Variants in POLN observed in about 807,000 individuals in gnomAD.
The protein encoded by POLN is DNA polymerase nu.
In POLN, 108 loss-of-function variants were observed where a neutral mutation model predicts 113.5. That is an observed-to-expected ratio of 0.95 (90% CI 0.81 to 1.12). POLN has a LOEUF of 1.12. POLN is among the 50% of genes most tolerant of loss of function. POLN has a pLI of 0.00. For synonymous variants in POLN, 386 were observed against 391.5 expected (o/e 0.99, Z 0.17); for missense variants, 1,097 against 1,077.1 (o/e 1.02, Z -0.26).
intron 11 of POLN, among the ~76,000 whole-genome samples, chr4:2,173,084 C>G (rs774793374): frequency 1.3e-5 from 2 of 152,100 alleles, no homozygotes; most frequent in African/African-American, 4.8e-5. Context: ...ATTGCTTAGG[C>G]TTTGAAGTGG....
chr4:2,209,657 CTTTTTTT>C (rs1175117439), intron 4 of POLN, among the ~76,000 whole-genome samples: 5 of 108,430 alleles, frequency 4.6e-5, no homozygotes, highest in Non-Finnish European at 8.9e-5. Flanking sequence ...TTTCCTTTTC[CTTTTTTT>C]TTTTTTTTTT....
chr4:2,236,281 T>C, intron 2 of POLN: 1 of 1,613,826 alleles, frequency 6.2e-7, no homozygotes, highest in Non-Finnish European at 8.5e-7. Flanking sequence ...TCACAAAGCA[T>C]GTCCACATCC....
At chr4:2,172,102 A>G in intron 11 of POLN, among the ~76,000 whole-genome samples, 1 of 152,224 alleles carries the variant, frequency 6.6e-6, no homozygotes, top group Non-Finnish European at 1.5e-5. Flanking sequence ...TGATGCTATG[A>G]AAAGCTAATC....
At chr4:2,078,473 C>CTTTTT (rs943435658) in intron 23 of POLN, 3 of 530,660 alleles carry the variant, frequency 5.7e-6, no homozygotes, top group Non-Finnish European at 2.4e-6. Context: ...TCTTCTTCTT[C>CTTTTT]TTTTTTTTTT....
intron 13 of POLN, among the ~76,000 whole-genome samples, chr4:2,168,831 C>A (rs530394351): frequency 1.3e-5 from 2 of 152,346 alleles, no homozygotes; most frequent in South Asian, 4.1e-4. Context: ...ACCACAGATG[C>A]TGAGTTCAGC....
At chr4:2,112,937 G>A (rs148220234) in intron 19 of POLN, among the ~76,000 whole-genome samples, 16,683 of 151,946 alleles carry the variant, frequency 0.11, 3,087 homozygotes, top group African/African-American at 0.38. Context: ...ACATGCACAC[G>A]TATGTTTATT....
Position 2,241,793 on chromosome 4 carries a change from GACAAA to G in POLN, c.-283-8_-283-4del. 2 of 985,500 alleles carry G rather than the reference GACAAA, an allele frequency of 2.0e-6. No individual in the cohort carries two copies. Among genetic ancestry groups the G allele is most frequent in the Non-Finnish European group, 2.4e-6 (2 of 829,956 alleles). The allele number at this position is 985,500 out of a possible 1,614,324, so 61.0% of individuals were successfully genotyped here. A position where few individuals can be genotyped will look rare whatever the true frequency, so the allele number is the denominator to read the frequency against. ...CCCAGCTGTGACACCTAAGCACGCT[GACAAA>G]ACAAACGCACAAGCCCACCGAATCG... On this transcript the variant is annotated splice_polypyrimidine_tract_variant and splice_region_variant and intron_variant, in intron 1 of 25. Transcript: ENST00000511885.
At chr4:2,218,359 C>T (rs557733903) in intron 3 of POLN, among the ~76,000 whole-genome samples, 3 of 151,468 alleles carry the variant, frequency 2.0e-5, no homozygotes, top group Non-Finnish European at 2.9e-5. Context: ...GCAGGAGAAT[C>T]GCTTGAACCT....
chr4:2,165,639 A>G (rs1419641529), intron 13 of POLN, among the ~76,000 whole-genome samples: 3 of 152,178 alleles, frequency 2.0e-5, no homozygotes, highest in Admixed American at 6.5e-5. Flanking sequence ...CACTGACTGT[A>G]ACGATGGTAC....
At chr4:2,240,291 T>C (rs986746812) in intron 2 of POLN, 1 of 1,612,372 alleles carries the variant, frequency 6.2e-7, no homozygotes, top group African/African-American at 1.3e-5. Context: ...GAACTGTTTT[T>C]TGGTATACAA....
At position 2,090,290 on chromosome 4, in the gene POLN, C is replaced by G. The variant is rs1730635506; in HGVS notation, c.2066-4546G>C. 9.8e-6 allele frequency: 8 copies of G among 814,182 alleles called. No homozygotes were observed. In the East Asian group the frequency reaches 1.9e-4, roughly 20 times the overall value. The allele number at this position is 814,182 out of a possible 1,614,324, so 50.4% of individuals were successfully genotyped here. A position where few individuals can be genotyped will look rare whatever the true frequency, so the allele number is the denominator to read the frequency against. On this transcript the variant is annotated intron_variant, in intron 20 of 25. Coordinates refer to ENST00000511885, the MANE Select transcript of POLN (RefSeq NM_181808.4). ...CTGACAAAGGCTTCTGCACATCAAACTTGTTCTTCAGAACTGATTCAATCA... is the reference window on the plus strand; with the variant it reads ...CTGACAAAGGCTTCTGCACATCAAAGTTGTTCTTCAGAACTGATTCAATCA...
At chr4:2,195,365 C>T (rs567892629) in intron 6 of POLN, among the ~76,000 whole-genome samples, 18 of 151,718 alleles carry the variant, frequency 1.2e-4, no homozygotes, top group African/African-American at 4.1e-4. Context: ...TTAATGAACA[C>T]ACTACTGAAC....
chr4:2,173,675 C>T (rs1032672011), intron 11 of POLN, among the ~76,000 whole-genome samples: 6 of 152,118 alleles, frequency 3.9e-5, no homozygotes, highest in African/African-American at 1.4e-4. Context: ...AATTCCTTCA[C>T]CAAACTACAG....
chr4:2,155,245 T>C (rs1447902962), intron 16 of POLN, among the ~76,000 whole-genome samples: 2 of 152,200 alleles, frequency 1.3e-5, no homozygotes, highest in Non-Finnish European at 2.9e-5. Flanking sequence ...TCAGAGGAGA[T>C]GGCACTGGTA....
At chr4:2,130,125 C>T (rs369179831) in intron 17 of POLN, among the ~76,000 whole-genome samples, 8 of 152,108 alleles carry the variant, frequency 5.3e-5, no homozygotes, top group East Asian at 3.9e-4. Flanking sequence ...CGTAATGGTG[C>T]ATGCCTGTAA....
intron 8 of POLN, 76 bp from the exon 9 acceptor site, chr4:2,176,410 G>T: frequency 2.6e-6 from 3 of 1,157,196 alleles, no homozygotes; most frequent in South Asian, 2.8e-5. Flanking sequence ...TAACTGACAT[G>T]ACTTGAAAAA....
intron 2 of POLN, among the ~76,000 whole-genome samples, chr4:2,233,054 C>T (rs1734639067): frequency 6.6e-6 from 1 of 152,154 alleles, no homozygotes; most frequent in Non-Finnish European, 1.5e-5. Flanking sequence ...CCTGATGATT[C>T]TAATGTACAA....
chr4:2,114,677 G>A (rs1731275265), intron 19 of POLN, among the ~76,000 whole-genome samples: 1 of 152,032 alleles, frequency 6.6e-6, no homozygotes, highest in Non-Finnish European at 1.5e-5. Flanking sequence ...TTTTATCTTT[G>A]GTTTTCATTA....
intron 19 of POLN, among the ~76,000 whole-genome samples, chr4:2,103,812 C>A (rs1371486910): frequency 6.6e-6 from 1 of 152,124 alleles, no homozygotes; most frequent in African/African-American, 2.4e-5. Context: ...ATTCAAAGTG[C>A]TGAAAGAAAA....
Sources: gnomAD v4.1 joint callset for allele counts (sites outside exome capture counted in the v4.1 genomes callset) on GRCh38, gnomAD v4.1.1 for gene constraint, MANE v1.5 for transcripts, NCBI Gene and HGNC (gene_info 2026-07-23, HGNC 2026-07-21) for gene names.